Variants in TG observed in about 807,000 individuals in gnomAD.
TG encodes the protein thyroglobulin, also known as thyroid hormones.
In TG, 270 loss-of-function variants were observed where a neutral mutation model predicts 324.7. The ratio of observed to expected loss-of-function variants is 0.83; its 90% CI spans 0.75 to 0.92. The LOEUF is 0.92. TG is among the 40% of genes least tolerant of loss of function. The pLI is 0.00. For missense variants in TG, 3,591 were observed against 3,456.4 expected (o/e 1.04, Z -0.98); for synonymous variants, 1,401 against 1,327.0 (o/e 1.06, Z -1.21).
At chr8:133,009,355 C>T (rs1834295603) in intron 35 of TG, among the ~76,000 whole-genome samples, 1 of 152,096 alleles carries the variant, frequency 6.6e-6, no homozygotes, top group South Asian at 2.1e-4. Flanking sequence ...AACCCAGCAT[C>T]TCTTGCAGTC....
chr8:132,964,254 C>T (rs1197685696), intron 29 of TG, among the ~76,000 whole-genome samples: 2 of 152,062 alleles, frequency 1.3e-5, no homozygotes, highest in East Asian at 1.9e-4. Flanking sequence ...AAGATGCTCC[C>T]CCTGCCCCCT....
chr8:133,028,055 A>T (rs1322487531), intron 40 of TG, among the ~76,000 whole-genome samples: 1 of 152,096 alleles, frequency 6.6e-6, no homozygotes, highest in Admixed American at 6.5e-5. Flanking sequence ...CTCACCTCTG[A>T]CCTCTCAGAA....
intron 41 of TG, among the ~76,000 whole-genome samples, chr8:133,093,662 G>T (rs1178424254): frequency 6.6e-6 from 1 of 152,124 alleles, no homozygotes; most frequent in Non-Finnish European, 1.5e-5. Flanking sequence ...ATTCTGACTG[G>T]CCTTGCCTCT....
At chr8:132,871,303 A>T in intron 3 of TG, 45 bp from the exon 4 acceptor site, 1 of 1,605,048 alleles carries the variant, frequency 6.2e-7, no homozygotes, top group South Asian at 1.1e-5. Context: ...TGCCCCCTGG[A>T]AATTTCCCTG....
At chr8:132,962,797 G>A (rs923034291) in intron 28 of TG, among the ~76,000 whole-genome samples, 197 bp from the exon 29 acceptor site, 4 of 152,284 alleles carry the variant, frequency 2.6e-5, no homozygotes, top group African/African-American at 9.6e-5. Context: ...AGATAATGAT[G>A]TTCTATCACT....
chr8:132,920,627 G>A (rs1469414752), intron 21 of TG, among the ~76,000 whole-genome samples: 4 of 152,210 alleles, frequency 2.6e-5, no homozygotes, highest in Non-Finnish European at 4.4e-5. Context: ...AAATACCAGA[G>A]AAGCACTTTC....
At chr8:132,962,849 C>A in intron 28 of TG, 145 bp from the exon 29 acceptor site, 1 of 771,998 alleles carries the variant, frequency 1.3e-6, no homozygotes, top group Non-Finnish European at 2.4e-6. Context: ...AGTGCAGATC[C>A]ATGTCAGGGC....
At chr8:133,110,454 A>T (rs1425051897) in intron 43 of TG, among the ~76,000 whole-genome samples, 1 of 152,210 alleles carries the variant, frequency 6.6e-6, no homozygotes, top group African/African-American at 2.4e-5. Context: ...TATTATTTAT[A>T]TGAAGGAATT....
chr8:132,911,616 T>C (rs1317303250), intron 19 of TG, 83 bp downstream of exon 19: 1 of 1,168,892 alleles, frequency 8.6e-7, no homozygotes, highest in African/African-American at 1.5e-5. Context: ...ATGGAGCTGG[T>C]GAAGAAGCCC....
At chr8:132,908,447 C>G in intron 18 of TG, 107 bp downstream of exon 18, 1 of 281,586 alleles carries the variant, frequency 3.6e-6, no homozygotes, top group East Asian at 5.5e-5. Context: ...ACAGGGGCCC[C>G]ATCTTCAAGT....
In TG at chr8:133,024,311, TTTCTTTCTTTC is replaced by T. The variant is rs1835825556; in HGVS notation, c.7036+2164_7036+2174del. Among the ~76,000 whole-genome samples the T allele has an allele frequency of 6.2e-4, 5 of 8,042 alleles. No individual in the cohort carries two copies. The East Asian group carries it at 8.8e-3, about 14-fold the overall frequency. 5.3% of individuals were successfully genotyped at this position (8,042 alleles called of 152,430 possible). ...CATTCATTAGCCACAGGCCATTTTC[TTTCTTTCTTTC>T]TTTCTTTCTTTCTTTCTTTCTTTCT... On this transcript the variant is annotated intron_variant, in intron 40 of 47. Coordinates refer to ENST00000220616, the MANE Select transcript of TG (RefSeq NM_003235.5).
chr8:132,987,165 G>A (rs1711671084), intron 35 of TG, among the ~76,000 whole-genome samples: 1 of 152,290 alleles, frequency 6.6e-6, no homozygotes, highest in African/African-American at 2.4e-5. Context: ...CACAGTGCTT[G>A]TAAGTGTCTT....
In TG at chr8:132,901,533, G is replaced by T. The variant is rs746921615; in HGVS notation, c.3614G>T (p.Gly1205Val). 1 of 1,613,522 alleles carries T rather than the reference G, an allele frequency of 6.2e-7. No homozygotes were observed. The highest frequency in any genetic ancestry group is 8.5e-7 in the Non-Finnish European group (1 of 1,179,946). ...GEEVPGTRVT[G>V]GQPACESPRC... ...GAGGTGCCTGGGACGCGCGTGACCG[G>T]GGGCCAGCCCGCCTGTGAGAGTAAG... The change falls in exon 16 of 48, where the codon GGG becomes GTG. Residue 1205 changes from glycine (G) to valine (V), a missense_variant. Gly to Val is a moderately radical substitution (Grantham distance 109). Coordinates refer to ENST00000220616, the MANE Select transcript of TG (RefSeq NM_003235.5).
rs201741545 is a variant in TG at position 132,893,799 on chromosome 8, C to T, written c.2871C>T (p.Phe957=). Residue 957 remains phenylalanine (F), a synonymous_variant, in exon 11 of 48, where the codon TTC becomes TTT. Transcript: ENST00000220616. ...CTCGGTTCCCTCTGGGGGAGAGTTT[C>T]CTGGTGGCCAAGGGAATCCGGCTGA... ...NSSRFPLGES[F]LVAKGIRLRN... is the part of the protein sequence containing the mutation. The T allele has an allele frequency of 3.3e-5, 53 of 1,614,008 alleles. No homozygotes were observed. In the African/African-American group the frequency reaches 6.4e-4, roughly 19 times the overall value.
chr8:132,989,999 A>G (rs1410508635), intron 35 of TG, among the ~76,000 whole-genome samples: 1 of 152,060 alleles, frequency 6.6e-6, no homozygotes, highest in Non-Finnish European at 1.5e-5. Flanking sequence ...TGAAGAGCAG[A>G]TAAAGTATAA....
chr8:132,893,336 TGGTGTGTATA>T (rs1195516775), intron 10 of TG, among the ~76,000 whole-genome samples: 2 of 143,160 alleles, frequency 1.4e-5, no homozygotes, highest in Non-Finnish European at 3.0e-5. Context: ...ACTGTGTGTA[TGGTGTGTATA>T]GGTGTGTGTG....
intron 18 of TG, among the ~76,000 whole-genome samples, chr8:132,909,206 G>T (rs2132355390): frequency 6.6e-6 from 1 of 152,246 alleles, no homozygotes; most frequent in African/African-American, 2.4e-5. Flanking sequence ...AGGAGCAGGG[G>T]TCCTCACTGC....
Position 133,017,830 on chromosome 8 carries a change from C to A in TG, c.6615C>A (p.Thr2205=). Residue 2205 remains threonine, a synonymous_variant, in exon 38 of 48, where the codon ACC becomes ACA. Coordinates refer to ENST00000220616, the MANE Select transcript of TG (RefSeq NM_003235.5). ...EASVPSVPIS[T]HGRLLGRSQA... is the part of the protein sequence containing the mutation. ...CTGTACCTTCTGTGCCCATTTCCACCCATGGCCGGCTGCTGGGCAGGTCCC... is the reference window on the plus strand; with the variant it reads ...CTGTACCTTCTGTGCCCATTTCCACACATGGCCGGCTGCTGGGCAGGTCCC... 1 of 1,614,174 alleles carries A rather than the reference C, an allele frequency of 6.2e-7. No individual in the cohort carries two copies. Among genetic ancestry groups the A allele is most frequent in the Non-Finnish European group, 8.5e-7 (1 of 1,180,036 alleles).
intron 31 of TG, among the ~76,000 whole-genome samples, chr8:132,969,146 C>T (rs746950668): frequency 7.2e-5 from 11 of 152,204 alleles, no homozygotes; most frequent in South Asian, 2.1e-4. Context: ...GGGCAGATGG[C>T]GTTGCTTCTT....
Sources: allele counts gnomAD v4.1 joint callset (sites outside exome capture counted in the v4.1 genomes callset), GRCh38; gene constraint gnomAD v4.1.1; transcripts MANE v1.5; gene names NCBI Gene and HGNC (gene_info 2026-07-23, HGNC 2026-07-21).